Variants in SLIT2 observed in about 807,000 individuals in gnomAD.
The protein encoded by SLIT2 is slit guidance ligand 2.
Under a neutral mutation model 185.7 loss-of-function variants are expected in SLIT2, and 41 were observed. The observed-to-expected ratio is 0.22, with a 90% confidence interval of 0.17 to 0.29. The LOEUF (loss-of-function observed/expected upper bound fraction) is 0.29, where lower values mean the gene tolerates loss of function less well. Ranked by LOEUF, SLIT2 falls within the 10% of genes least tolerant of loss-of-function variation. The pLI is 1.00. For missense variants in SLIT2, 1,571 were observed against 1,909.0 expected (o/e 0.82, Z 3.30); for synonymous variants, 693 against 680.2 (o/e 1.02, Z -0.29).
In SLIT2 at chr4:20,567,501, T is replaced by C. The variant is rs373104814; in HGVS notation, c.2851-17T>C. 6.1e-4 allele frequency: 991 copies of C among 1,612,124 alleles called. No homozygotes were observed. The highest frequency in any genetic ancestry group is 7.7e-4 in the Non-Finnish European group (908 of 1,178,456). On this transcript the variant is annotated splice_polypyrimidine_tract_variant and intron_variant, in intron 27 of 36. Coordinates refer to ENST00000504154, the MANE Select transcript of SLIT2 (RefSeq NM_004787.4). ...AAGAACTACTTCACTCGACTATACTTGCCCCTTCTTCTCCAGGGGCAGGAC... is the reference window on the plus strand; with the variant it reads ...AAGAACTACTTCACTCGACTATACTCGCCCCTTCTTCTCCAGGGGCAGGAC...
chr4:20,617,674 T>G, intron 36 of SLIT2, 24 bp downstream of exon 36: 1 of 1,566,028 alleles, frequency 6.4e-7, no homozygotes, highest in Admixed American at 1.7e-5. Context: ...ACTGGGCACC[T>G]CATTCTCTTG....
chr4:20,598,248 G>C lies in SLIT2; in HGVS notation c.3562-17G>C, dbSNP rs763108339. 3.7e-6 allele frequency: 6 copies of C among 1,613,206 alleles called. No individual in the cohort carries two copies. The highest frequency in any genetic ancestry group is 3.3e-4 in the Middle Eastern group (2 of 6,056). On this transcript the variant is annotated splice_polypyrimidine_tract_variant and intron_variant, in intron 32 of 36. Coordinates refer to ENST00000504154, the MANE Select transcript of SLIT2 (RefSeq NM_004787.4). ...TTGCGTACACATCCTAGTAATGCCA[G>C]GGTTACTTTCTACTAGATTGCCACA...
At chr4:20,530,126 A>C (rs181448362) in intron 16 of SLIT2, among the ~76,000 whole-genome samples, 6 of 150,278 alleles carry the variant, frequency 4.0e-5, no homozygotes, top group African/African-American at 1.5e-4. Context: ...CTATTAGTTG[A>C]TGAAGCTATT....
Position 20,457,326 on chromosome 4 carries a change from G to A in SLIT2, c.396-10426G>A, listed in dbSNP as rs1023745779. ...ATTCTACCAGGGTGCAAGGAAGGAA[G>A]ACTACTCCAGTATTAACACATTTCA... On this transcript the variant is annotated intron_variant, in intron 4 of 36. Coordinates refer to ENST00000504154, the MANE Select transcript of SLIT2 (RefSeq NM_004787.4). Among the ~76,000 whole-genome samples the A allele has an allele frequency of 4.6e-5, 7 of 151,986 alleles. No individual in the cohort carries two copies. In the South Asian group the frequency reaches 8.3e-4, roughly 18 times the overall value.
chr4:20,263,317 TG>T (rs58014881), intron 3 of SLIT2, among the ~76,000 whole-genome samples: 33,684 of 151,612 alleles, frequency 0.22, 4,567 homozygotes, highest in Middle Eastern at 0.35. Context: ...GGCTGTGATT[TG>T]ATCTCATCAA....
chr4:20,598,145 T>G, intron 32 of SLIT2, 120 bp from the exon 33 acceptor site: 1 of 843,550 alleles, frequency 1.2e-6, no homozygotes, highest in Non-Finnish European at 1.8e-6. Context: ...CGTTTTCTCA[T>G]AGCCATCAGG....
rs531008956 is a variant in SLIT2, at chr4:20,358,414, CTGT to C, written c.395+89538_395+89540del. ...AAAAGTTACAGTAATGAATAGAAGT[CTGT>C]TGTTCTTACTCACATCAGGCACGCA... is the stretch of plus-strand genomic sequence containing the variant. On this transcript the variant is annotated intron_variant, in intron 4 of 36. Coordinates refer to ENST00000504154, the MANE Select transcript of SLIT2 (RefSeq NM_004787.4). 9.3e-4 allele frequency among the ~76,000 whole-genome samples: 142 copies of C among 152,258 alleles called. 1 individual carries two copies. Among genetic ancestry groups the C allele is most frequent in the African/African-American group, 3.2e-3 (131 of 41,576 alleles).
At chr4:20,537,015 G>A (rs1722357622) in intron 18 of SLIT2, among the ~76,000 whole-genome samples, 1 of 152,126 alleles carries the variant, frequency 6.6e-6, no homozygotes. Flanking sequence ...CATGCAAGGA[G>A]CTATCATCTC....
At chr4:20,501,954 A>G (rs1161610057) in intron 9 of SLIT2, among the ~76,000 whole-genome samples, 1 of 152,210 alleles carries the variant, frequency 6.6e-6, no homozygotes, top group Non-Finnish European at 1.5e-5. Flanking sequence ...TCATGATAAG[A>G]AAATTCTTCA....
At chr4:20,602,336 C>T (rs1728473004) in intron 33 of SLIT2, among the ~76,000 whole-genome samples, 1 of 152,120 alleles carries the variant, frequency 6.6e-6, no homozygotes, top group Non-Finnish European at 1.5e-5. Flanking sequence ...AGTTAAAAGA[C>T]AGTAGTTAAC....
chr4:20,407,540 C>T (rs1726870946), intron 4 of SLIT2, among the ~76,000 whole-genome samples: 1 of 152,178 alleles, frequency 6.6e-6, no homozygotes, highest in Non-Finnish European at 1.5e-5. Context: ...AGCGTTGCTA[C>T]TTGGCAGGCA....
chr4:20,485,057 C>T (rs1717080925), intron 6 of SLIT2, among the ~76,000 whole-genome samples: 1 of 152,150 alleles, frequency 6.6e-6, no homozygotes, highest in African/African-American at 2.4e-5. Flanking sequence ...TGCTCTTTCT[C>T]CTACCTCCTT....
chr4:20,609,412 A>C (rs1264963428), intron 33 of SLIT2, among the ~76,000 whole-genome samples: 1 of 152,184 alleles, frequency 6.6e-6, no homozygotes, highest in African/African-American at 2.4e-5. Flanking sequence ...AGCATAGATA[A>C]CTTCTTCACA....
At chr4:20,547,529 C>A (rs924379737) in intron 22 of SLIT2, among the ~76,000 whole-genome samples, 3 of 151,910 alleles carry the variant, frequency 2.0e-5, no homozygotes, top group African/African-American at 7.2e-5. Context: ...TTAACATTTT[C>A]ACAATTTCAT....
chr4:20,558,892 G>C (rs958585155), intron 26 of SLIT2, among the ~76,000 whole-genome samples: 1 of 151,926 alleles, frequency 6.6e-6, no homozygotes, highest in African/African-American at 2.4e-5. Flanking sequence ...ATGCAATTGA[G>C]AAAAATAATT....
chr4:20,331,446 A>G (rs1720060774), intron 4 of SLIT2, among the ~76,000 whole-genome samples: 1 of 152,128 alleles, frequency 6.6e-6, no homozygotes, highest in South Asian at 2.1e-4. Flanking sequence ...CCATATTGTT[A>G]CTATAATTTT....
At position 20,253,941 on chromosome 4, in the gene SLIT2, C is replaced by T. The variant is rs200103892; in HGVS notation, c.126C>T (p.His42=). The change falls in exon 1 of 37, where the codon CAC becomes CAT. Residue 42 remains histidine, a synonymous_variant. Transcript: ENST00000504154. ...CSCSGSTVDC[H]GLALRSVPRN... ...GCTCGGGCAGCACAGTGGACTGTCACGGGCTGGCGCTGCGCAGCGTGCCCA... is the reference window on the plus strand; with the variant it reads ...GCTCGGGCAGCACAGTGGACTGTCATGGGCTGGCGCTGCGCAGCGTGCCCA... The T allele has an allele frequency of 8.7e-6, 14 of 1,602,826 alleles. No homozygotes were observed. The highest frequency in any genetic ancestry group is 2.7e-5 in the African/African-American group (2 of 74,912).
intron 35 of SLIT2, 88 bp downstream of exon 35, chr4:20,617,286 A>T: frequency 1.6e-6 from 1 of 635,182 alleles, no homozygotes; most frequent in South Asian, 1.6e-5. Flanking sequence ...AGGGGAGGGG[A>T]CGGGAAGGGA....
Position 20,447,923 on chromosome 4 carries a change from T to C in SLIT2, c.396-19829T>C, listed in dbSNP as rs183211469. Reference sequence around the variant, plus strand: ...GGAGAAAAAAGGAAATGAAAAGTAGTGTTAAGAGGTATTCACAGATTTTCC... The same window carrying C: ...GGAGAAAAAAGGAAATGAAAAGTAGCGTTAAGAGGTATTCACAGATTTTCC... On this transcript the variant is annotated intron_variant, in intron 4 of 36. Coordinates refer to ENST00000504154, the MANE Select transcript of SLIT2 (RefSeq NM_004787.4). Among the ~76,000 whole-genome samples, 3 of 152,284 alleles carry C rather than the reference T, an allele frequency of 2.0e-5. No individual in the cohort carries two copies. The East Asian group carries it at 5.8e-4, about 29-fold the overall frequency.
Sources: gnomAD v4.1 joint callset for allele counts (sites outside exome capture counted in the v4.1 genomes callset) on GRCh38, gnomAD v4.1.1 for gene constraint, MANE v1.5 for transcripts, NCBI Gene and HGNC (gene_info 2026-07-23, HGNC 2026-07-21) for gene names.